Variants in HECW2 observed in about 807,000 individuals in gnomAD.
HECW2 encodes the protein HECT, C2 and WW domain containing E3 ubiquitin protein ligase 2, also known as E3 ubiquitin-protein ligase HECW2.
HECW2 carries 61 observed loss-of-function variants against 175.2 expected under a neutral mutation model. The ratio of observed to expected loss-of-function variants is 0.35; its 90% CI spans 0.28 to 0.43. The LOEUF is 0.43. Ranked by LOEUF, HECW2 falls within the 20% of genes least tolerant of loss-of-function variation. HECW2 has a pLI of 1.00. For synonymous variants in HECW2, 671 were observed against 731.0 expected (o/e 0.92, Z 1.32); for missense variants, 1,524 against 2,000.5 (o/e 0.76, Z 4.54).
intron 2 of HECW2, among the ~76,000 whole-genome samples, chr2:196,370,997 C>T (rs1421700668): frequency 6.6e-6 from 1 of 152,174 alleles, no homozygotes; most frequent in Non-Finnish European, 1.5e-5. Flanking sequence ...ACTGTGATTG[C>T]TCATCTGATT....
At chr2:196,571,707 A>T (rs965993961) in intron 1 of HECW2, among the ~76,000 whole-genome samples, 2 of 147,900 alleles carry the variant, frequency 1.4e-5, no homozygotes, top group African/African-American at 2.7e-5. Context: ...TCTCAAAAAA[A>T]AAAATAAAAG....
intron 1 of HECW2, among the ~76,000 whole-genome samples, chr2:196,478,558 A>T (rs1686738406): frequency 6.6e-6 from 1 of 152,092 alleles, no homozygotes; most frequent in African/African-American, 2.4e-5. Flanking sequence ...AATTATTATT[A>T]TCACTATTCA....
intron 2 of HECW2, among the ~76,000 whole-genome samples, chr2:196,411,553 T>C (rs1284338390): frequency 2.0e-5 from 3 of 152,248 alleles, no homozygotes; most frequent in Non-Finnish European, 4.4e-5. Context: ...ACTGTACTTC[T>C]GTAAAAGGAG....
At chr2:196,495,567 G>T (rs1164499290) in intron 1 of HECW2, among the ~76,000 whole-genome samples, 1 of 152,148 alleles carries the variant, frequency 6.6e-6, no homozygotes, top group East Asian at 1.9e-4. Context: ...CAGAATGAGT[G>T]GGATTTAGAC....
In HECW2 at chr2:196,542,186, C is replaced by T. The variant is rs188546631; in HGVS notation, c.-36+51322G>A. 4.2e-3 allele frequency among the ~76,000 whole-genome samples: 631 copies of T among 151,412 alleles called. 2 individuals carry two copies. The highest frequency in any genetic ancestry group is 0.02 in the Middle Eastern group (6 of 294). ...GGCTGAGGCAGGAGAATTGCTTGAA[C>T]CCGGGAAGCGAAGGTTGCAGTGAGC... is the stretch of plus-strand genomic sequence containing the variant. On this transcript the variant is annotated intron_variant, in intron 1 of 28. Transcript: ENST00000644978.
chr2:196,551,742 A>T (rs986269760), intron 1 of HECW2, among the ~76,000 whole-genome samples: 2 of 152,194 alleles, frequency 1.3e-5, no homozygotes, highest in Non-Finnish European at 2.9e-5. Flanking sequence ...TACAATAATT[A>T]TTCCCTGATT....
intron 12 of HECW2, among the ~76,000 whole-genome samples, 159 bp from the exon 13 acceptor site, chr2:196,306,771 C>CATAAAACA (rs1437863758): frequency 6.6e-6 from 1 of 152,194 alleles, no homozygotes; most frequent in Non-Finnish European, 1.5e-5. Flanking sequence ...TAAATTCATA[C>CATAAAACA]ATAAAACATG....
intron 14 of HECW2, chr2:196,288,188 C>T (rs557736131): frequency 6.6e-6 from 1 of 152,064 alleles, no homozygotes; most frequent in Non-Finnish European, 1.5e-5. Context: ...GCCAATGTGT[C>T]GATCTGATTT....
intron 2 of HECW2, among the ~76,000 whole-genome samples, chr2:196,386,428 C>A (rs10804074): frequency 0.98 from 148,890 of 152,242 alleles, 72,885 homozygotes; most frequent in East Asian, 1. Flanking sequence ...CAAAGGCCCC[C>A]ATGAGGGAGC....
intron 1 of HECW2, among the ~76,000 whole-genome samples, chr2:196,542,788 T>C (rs1689270689): frequency 6.7e-6 from 1 of 150,370 alleles, no homozygotes; most frequent in Non-Finnish European, 1.5e-5. Flanking sequence ...TCTAGATAGA[T>C]ACATGGATAC....
At chr2:196,580,685 G>T (rs931623620) in intron 1 of HECW2, among the ~76,000 whole-genome samples, 4 of 150,306 alleles carry the variant, frequency 2.7e-5, no homozygotes, top group African/African-American at 7.3e-5. Context: ...GAAAGAGGTG[G>T]AGAAACTGGA....
chr2:196,221,036 T>TC, intron 24 of HECW2, 95 bp from the exon 25 acceptor site: 1 of 1,358,456 alleles, frequency 7.4e-7, no homozygotes, highest in South Asian at 1.3e-5. Flanking sequence ...CAGCTACCTG[T>TC]CCCAGCCCTG....
chr2:196,335,558 T>C (rs1186943501), intron 3 of HECW2, among the ~76,000 whole-genome samples: 1 of 152,212 alleles, frequency 6.6e-6, no homozygotes, highest in African/African-American at 2.4e-5. Flanking sequence ...TTTCACTGAC[T>C]TTCTCGACTG....
At chr2:196,258,122 G>T in intron 17 of HECW2, 1 of 526,346 alleles carries the variant, frequency 1.9e-6, no homozygotes. Flanking sequence ...CAGTTCTAAT[G>T]TTGTGGGGAG....
chr2:196,396,836 G>T (rs1288464535), intron 2 of HECW2, among the ~76,000 whole-genome samples: 1 of 128,692 alleles, frequency 7.8e-6, no homozygotes, highest in Non-Finnish European at 1.7e-5. Context: ...AAATGGCCGG[G>T]TGTGGTGTCT....
chr2:196,385,914 T>C (rs6723189), intron 2 of HECW2, among the ~76,000 whole-genome samples: 3,287 of 152,302 alleles, frequency 0.022, 117 homozygotes, highest in African/African-American at 0.075. Context: ...AAATGCCTCA[T>C]TTAATGTGAA....
Position 196,318,791 on chromosome 2 carries a change from G to T in HECW2, c.2099C>A (p.Ser700Tyr). 2.6e-6 allele frequency: 4 copies of T among 1,527,920 alleles called. No homozygotes were observed. The highest frequency in any genetic ancestry group is 3.5e-6 in the Non-Finnish European group (4 of 1,136,550). 94.6% of individuals were successfully genotyped at this position (1,527,920 alleles called of 1,614,324 possible). ...SSGPAEGSQE[S>Y]VCTAGSLPVV... ...AGGTAAAGAACCAGCAGTGCACACGGATTCCTGCGACCCTTCGGCAGGGCC... is the reference window on the plus strand; with the variant it reads ...AGGTAAAGAACCAGCAGTGCACACGTATTCCTGCGACCCTTCGGCAGGGCC... The change falls in exon 9 of 29, where the codon TCC becomes TAC. Residue 700 changes from serine to tyrosine, a missense_variant. Physicochemically the swap from Ser to Tyr is moderately radical, Grantham distance 144. This residue lies in a region of HECW2 where 604 missense variants were observed against 588.3 expected (regional missense o/e 1.03). Transcript: ENST00000644978.
intron 1 of HECW2, among the ~76,000 whole-genome samples, chr2:196,545,309 A>C (rs1282801038): frequency 6.6e-6 from 1 of 152,152 alleles, no homozygotes; most frequent in Non-Finnish European, 1.5e-5. Flanking sequence ...CTCCTCAGTA[A>C]TTAGTCAGAT....
chr2:196,237,004 T>C (rs1559454999), intron 21 of HECW2, among the ~76,000 whole-genome samples: 1 of 143,896 alleles, frequency 6.9e-6, no homozygotes, highest in Non-Finnish European at 1.5e-5. Flanking sequence ...GCAAAATAGA[T>C]TTTTTCTTTT....
Sources: gnomAD v4.1 joint callset for allele counts (sites outside exome capture counted in the v4.1 genomes callset) on GRCh38, gnomAD v4.1.1 for gene constraint, gnomAD v4.1.1 regional missense constraint, MANE v1.5 for transcripts, NCBI Gene and HGNC (gene_info 2026-07-23, HGNC 2026-07-21) for gene names.